MTF2: variants seen among roughly 807,000 people sequenced by gnomAD.
MTF2 encodes metal-response element-binding transcription factor 2.
In MTF2, 11 loss-of-function variants were observed where a neutral mutation model predicts 79.5. The ratio of observed to expected loss-of-function variants is 0.14; its 90% confidence interval spans 0.09 to 0.23. The LOEUF (loss-of-function observed/expected upper bound fraction) is 0.23, where lower values mean the gene tolerates loss of function less well. Ranked by LOEUF, MTF2 falls within the 10% of genes least tolerant of loss-of-function variation. The probability of loss-of-function intolerance (pLI) is 1.00; values close to 1 mark genes in which losing one functional copy is unlikely to be tolerated. For synonymous variants in MTF2, 208 were observed against 232.8 expected (o/e 0.89, Z 0.97); for missense variants, 486 against 711.2 (o/e 0.68, Z 3.60).
chr1:93,092,270 A>G (rs147210038), intron 1 of MTF2, among the ~76,000 whole-genome samples: 176 of 152,264 alleles, frequency 1.2e-3, no homozygotes, highest in African/African-American at 4.1e-3. Context: ...ACTAGTATTC[A>G]GAAAATATCC....
chr1:93,121,756 T>G (rs1403407396), intron 9 of MTF2: 30 of 915,470 alleles, frequency 3.3e-5, no homozygotes, highest in Non-Finnish European at 3.8e-5. Flanking sequence ...TTTTTTTAGA[T>G]GAAGTCTGAG....
chr1:93,124,233 AACT>A (rs1656603418), intron 9 of MTF2, among the ~76,000 whole-genome samples: 2 of 152,012 alleles, frequency 1.3e-5, no homozygotes, highest in Non-Finnish European at 2.9e-5. Flanking sequence ...CTGTTTGAGG[AACT>A]ACTATGTTTT....
chr1:93,133,602 AAAT>A (rs1340553319), intron 11 of MTF2, 98 bp from the exon 12 acceptor site: 5 of 507,568 alleles, frequency 9.9e-6, no homozygotes, highest in Non-Finnish European at 1.2e-5. Flanking sequence ...CATTAATATA[AAAT>A]AATAAAATAT....
rs484126 is a variant in MTF2, at chr1:93,114,675, T to G, written c.287-13T>G. On this transcript the variant is annotated splice_polypyrimidine_tract_variant and intron_variant, in intron 3 of 14. Transcript: ENST00000370298. ...TTATGACTCTCTTTTTTAATGTGTT[T>G]TAAATATTTTAGGAGCCACTGGAAG... The G allele has an allele frequency of 2.8e-3, 4,340 of 1,575,266 alleles. 5 individuals are homozygous for G. Among genetic ancestry groups the G allele is most frequent in the Non-Finnish European group, 3.5e-3 (4,032 of 1,163,620 alleles).
chr1:93,092,935 C>T (rs543753481), intron 1 of MTF2, among the ~76,000 whole-genome samples: 2 of 152,242 alleles, frequency 1.3e-5, no homozygotes, highest in African/African-American at 4.8e-5. Context: ...GTAATCCCAG[C>T]ACTTTGGGAG....
intron 11 of MTF2, 110 bp downstream of exon 11, chr1:93,129,558 ATTTTTTT>A (rs200494793): frequency 6.2e-5 from 28 of 448,062 alleles, no homozygotes; most frequent in Middle Eastern, 6.3e-4. Context: ...AGTTACTCTG[ATTTTTTT>A]TTTTTTTTTT....
chr1:93,132,446 G>A (rs549868972), intron 11 of MTF2, among the ~76,000 whole-genome samples: 1 of 152,296 alleles, frequency 6.6e-6, no homozygotes, highest in Admixed American at 6.5e-5. Context: ...CACCAGATAA[G>A]GATTCAGCTG....
At chr1:93,131,009 G>C (rs1333350976) in intron 11 of MTF2, among the ~76,000 whole-genome samples, 4 of 152,018 alleles carry the variant, frequency 2.6e-5, no homozygotes, top group Non-Finnish European at 5.9e-5. Flanking sequence ...CAGGCAATTG[G>C]ATGTGTAATT....
intron 9 of MTF2, 113 bp downstream of exon 9, chr1:93,120,785 T>G (rs1656441904): frequency 2.7e-6 from 4 of 1,488,608 alleles, no homozygotes; most frequent in Non-Finnish European, 3.5e-6. Context: ...AAATAGAATT[T>G]TATTTTTAGT....
At chr1:93,080,013 T>C (rs1485860259) in intron 1 of MTF2, among the ~76,000 whole-genome samples, 1 of 151,554 alleles carries the variant, frequency 6.6e-6, no homozygotes, top group Non-Finnish European at 1.5e-5. Flanking sequence ...GGTGGAATTG[T>C]ATGGAATTGG....
chr1:93,111,823 T>C (rs1485872072), intron 3 of MTF2, among the ~76,000 whole-genome samples: 3 of 152,182 alleles, frequency 2.0e-5, no homozygotes, highest in Non-Finnish European at 4.4e-5. Flanking sequence ...ATTATTCTTT[T>C]TTCCTTATTT....
At chr1:93,087,433 G>C (rs912501433) in intron 1 of MTF2, among the ~76,000 whole-genome samples, 1 of 152,046 alleles carries the variant, frequency 6.6e-6, no homozygotes, top group Non-Finnish European at 1.5e-5. Flanking sequence ...TTAGCCAGGC[G>C]TGGTGGCACG....
chr1:93,133,061 G>C (rs1420112747), intron 11 of MTF2, among the ~76,000 whole-genome samples: 5 of 148,062 alleles, frequency 3.4e-5, no homozygotes, highest in Non-Finnish European at 5.9e-5. Flanking sequence ...TTGGCTTTAT[G>C]TTTAAAAAAT....
chr1:93,110,506 T>C (rs1387374772), intron 2 of MTF2, 39 bp from the exon 3 acceptor site: 2 of 1,601,280 alleles, frequency 1.2e-6, no homozygotes, highest in Admixed American at 3.4e-5. Context: ...ATGTTTTTAA[T>C]TTTAAGAGAT....
intron 3 of MTF2, among the ~76,000 whole-genome samples, chr1:93,113,212 G>A (rs1190509715): frequency 3.1e-5 from 4 of 127,834 alleles, no homozygotes; most frequent in Admixed American, 1.6e-4. Flanking sequence ...AGATCCTGTC[G>A]CTACAAAAAA....
intron 11 of MTF2, among the ~76,000 whole-genome samples, chr1:93,132,366 A>G (rs1202304823): frequency 1.3e-5 from 2 of 152,124 alleles, no homozygotes; most frequent in African/African-American, 4.8e-5. Context: ...AAAATTCCAC[A>G]AGCTTTTTCA....
chr1:93,102,467 C>G (rs925702927), intron 1 of MTF2, among the ~76,000 whole-genome samples: 2 of 152,016 alleles, frequency 1.3e-5, no homozygotes. Flanking sequence ...TGGTGTGTGC[C>G]TGTAGTCCCA....
intron 1 of MTF2, among the ~76,000 whole-genome samples, chr1:93,102,370 G>A (rs1024496765): frequency 3.9e-5 from 6 of 152,246 alleles, no homozygotes; most frequent in Middle Eastern, 3.4e-3. Flanking sequence ...AGGCCAAAGC[G>A]GAGGGATTAC....
rs183572061 is a variant in MTF2 at position 93,119,263 on chromosome 1, A to G, written c.729-70A>G. On this transcript the variant is annotated intron_variant, in intron 7 of 14. Coordinates refer to ENST00000370298, the MANE Select transcript of MTF2 (RefSeq NM_007358.4). Reference sequence around the variant, plus strand: ...GCTGTAGGTTATTCACTTGGTGAATATTAGCTATAATTGTTAGTTTATCTC... The same window carrying G: ...GCTGTAGGTTATTCACTTGGTGAATGTTAGCTATAATTGTTAGTTTATCTC... 75 of 1,051,766 alleles carry G rather than the reference A, an allele frequency of 7.1e-5. No individual in the cohort carries two copies. In the East Asian group the frequency reaches 1.6e-3, roughly 22 times the overall value. 65.2% of individuals were successfully genotyped at this position (1,051,766 alleles called of 1,614,324 possible). A position where few individuals can be genotyped will look rare whatever the true frequency, so the allele number is the denominator to read the frequency against.
Sources: allele counts gnomAD v4.1 joint callset (sites outside exome capture counted in the v4.1 genomes callset), GRCh38; gene constraint gnomAD v4.1.1; transcripts MANE v1.5; gene names NCBI Gene and HGNC (gene_info 2026-07-23, HGNC 2026-07-21).